NRG1: variants seen among roughly 807,000 people sequenced by gnomAD.
NRG1 encodes the protein pro-neuregulin-1, membrane-bound isoform.
Under a neutral mutation model 63.8 loss-of-function variants are expected in NRG1, and 18 were observed. That is an observed-to-expected ratio of 0.28 (90% CI 0.19 to 0.42). The LOEUF (loss-of-function observed/expected upper bound fraction) is 0.42, where lower values mean the gene tolerates loss of function less well. Among genes scored for constraint, NRG1 ranks in the 10% least tolerant of loss-of-function variants. The probability of loss-of-function intolerance (pLI) is 1.00; values close to 1 mark genes in which losing one functional copy is unlikely to be tolerated. For synonymous variants in NRG1, 302 were observed against 301.3 expected (o/e 1.00, Z -0.02); for missense variants, 762 against 814.7 (o/e 0.94, Z 0.79).
Position 31,721,002 on chromosome 8 carries a change from C to G in NRG1, c.37+81571C>G, listed in dbSNP as rs201026321. Among the ~76,000 whole-genome samples, 9 of 152,106 alleles carry G rather than the reference C, an allele frequency of 5.9e-5. No homozygotes were observed. The East Asian group carries it at 1.5e-3, about 26-fold the overall frequency. ...ATAGAGGGAAGCCAGGGGGTTTTCT[C>G]TGCTCCACCAAATAAATCACATATG... On this transcript the variant is annotated intron_variant, in intron 1 of 10. Transcript: ENST00000519301.
chr8:31,854,163 A>G (rs549657589), intron 1 of NRG1, among the ~76,000 whole-genome samples: 8 of 151,764 alleles, frequency 5.3e-5, no homozygotes, highest in African/African-American at 1.9e-4. Context: ...TTTTCTATTG[A>G]TTGGAATAGT....
chr8:32,521,445 A>G (rs1409215880), intron 1 of NRG1, among the ~76,000 whole-genome samples: 1 of 152,162 alleles, frequency 6.6e-6, no homozygotes, highest in Non-Finnish European at 1.5e-5. Flanking sequence ...TCGTGATGCA[A>G]CAGTCATGGA....
chr8:32,632,640 G>A (rs1250773984), intron 5 of NRG1, among the ~76,000 whole-genome samples: 1 of 151,492 alleles, frequency 6.6e-6, no homozygotes, highest in African/African-American at 2.4e-5. Flanking sequence ...GATTGATTTA[G>A]ATGTTGATGA....
At chr8:31,965,376 C>T (rs552637861) in intron 1 of NRG1, among the ~76,000 whole-genome samples, 1 of 152,142 alleles carries the variant, frequency 6.6e-6, no homozygotes, top group Non-Finnish European at 1.5e-5. Flanking sequence ...GTGCACACCA[C>T]CATACCCAGG....
At chr8:32,486,627 A>ATTTTTTTTTTTTTTTTTTTTTTT (rs1554557143) in intron 1 of NRG1, among the ~76,000 whole-genome samples, 2 of 145,518 alleles carry the variant, frequency 1.4e-5, no homozygotes, top group African/African-American at 5.1e-5. Flanking sequence ...GAATTGCTGG[A>ATTTTTTTTTTTTTTTTTTTTTTT]TTTTTTTTTT....
intron 1 of NRG1, among the ~76,000 whole-genome samples, chr8:31,826,454 T>C (rs191342343): frequency 5.9e-5 from 9 of 152,352 alleles, no homozygotes; most frequent in Admixed American, 2.6e-4. Flanking sequence ...CCTGTCGCCA[T>C]GTAAGACATG....
chr8:31,645,321 T>C (rs1804189099), intron 1 of NRG1, among the ~76,000 whole-genome samples: 2 of 152,216 alleles, frequency 1.3e-5, no homozygotes, highest in South Asian at 2.1e-4. Context: ...TTACAGAATA[T>C]ACAAATTCAC....
chr8:31,689,480 T>C (rs1313343122), intron 1 of NRG1, among the ~76,000 whole-genome samples: 1 of 152,240 alleles, frequency 6.6e-6, no homozygotes, highest in East Asian at 1.9e-4. Flanking sequence ...AGGAAGTGGC[T>C]TTTCTAAACA....
At chr8:31,827,958 C>T (rs1824734012) in intron 1 of NRG1, among the ~76,000 whole-genome samples, 1 of 152,160 alleles carries the variant, frequency 6.6e-6, no homozygotes, top group South Asian at 2.1e-4. Flanking sequence ...GAGGGTGTGT[C>T]CCAGAGGGAT....
intron 1 of NRG1, among the ~76,000 whole-genome samples, chr8:31,773,178 A>G (rs1484835661): frequency 2.0e-5 from 3 of 152,210 alleles, no homozygotes; most frequent in Admixed American, 1.3e-4. Flanking sequence ...AAAAGAAAGT[A>G]AATGCTTTCA....
At chr8:32,559,260 A>G (rs536899928) in intron 1 of NRG1, among the ~76,000 whole-genome samples, 1 of 150,752 alleles carries the variant, frequency 6.6e-6, no homozygotes, top group Admixed American at 6.6e-5. Context: ...AAAAAAAAAA[A>G]AAATCACTAC....
At chr8:32,253,282 A>G (rs1162897132) in intron 1 of NRG1, among the ~76,000 whole-genome samples, 2 of 152,072 alleles carry the variant, frequency 1.3e-5, no homozygotes, top group African/African-American at 4.8e-5. Context: ...CCAGTTTTCA[A>G]ATGCTTCCTG....
chr8:32,040,725 T>TGAAATTTAGACGC (rs1461698564), intron 1 of NRG1, among the ~76,000 whole-genome samples: 1 of 117,784 alleles, frequency 8.5e-6, no homozygotes, highest in African/African-American at 3.0e-5. Flanking sequence ...TATATATATA[T>TGAAATTTAGACGC]ATATATATAT....
chr8:31,928,862 T>G (rs1834635714), intron 1 of NRG1, among the ~76,000 whole-genome samples: 1 of 152,072 alleles, frequency 6.6e-6, no homozygotes, highest in South Asian at 2.1e-4. Flanking sequence ...CATTGGAGAC[T>G]AAGAAGCGGG....
chr8:32,481,124 C>G (rs958675097), intron 1 of NRG1, among the ~76,000 whole-genome samples: 5 of 152,038 alleles, frequency 3.3e-5, no homozygotes, highest in African/African-American at 1.2e-4. Context: ...CAGGCAGATT[C>G]CTTGAGCCCA....
At chr8:32,429,910 C>G (rs924820593) in intron 1 of NRG1, among the ~76,000 whole-genome samples, 2 of 152,096 alleles carry the variant, frequency 1.3e-5, no homozygotes, top group Non-Finnish European at 2.9e-5. Flanking sequence ...AAACACATAT[C>G]CATATGGTGT....
rs539629119 is a variant in NRG1, at chr8:32,541,134, C to G, written c.38-54694C>G. On this transcript the variant is annotated intron_variant, in intron 1 of 10. Coordinates refer to the NRG1 transcript ENST00000519301. ...TGCAAAGAAACTTGAGTTCTAGGCCCGGATCCAGGGGTGGAGATGACTGTA... is the reference window on the plus strand; with the variant it reads ...TGCAAAGAAACTTGAGTTCTAGGCCGGGATCCAGGGGTGGAGATGACTGTA... Among the ~76,000 whole-genome samples the G allele has an allele frequency of 2.0e-4, 30 of 152,124 alleles. No individual in the cohort carries two copies. In the South Asian group the frequency reaches 3.1e-3, roughly 16 times the overall value.
intron 3 of NRG1, among the ~76,000 whole-genome samples, chr8:32,609,468 C>T (rs1162264818): frequency 6.6e-6 from 1 of 151,818 alleles, no homozygotes; most frequent in Non-Finnish European, 1.5e-5. Flanking sequence ...ATTGCCGCAC[C>T]ACTGAACCAT....
rs142811284 is a variant in NRG1, at chr8:32,502,517, C to T, written c.38-93311C>T. On this transcript the variant is annotated intron_variant, in intron 1 of 10. Transcript: ENST00000519301. Reference sequence around the variant, plus strand: ...TTCAGTCCTAGCCAGCGTGGCCACACAATGTAAGATTCTCTCTCTCTTCTG... The same window carrying T: ...TTCAGTCCTAGCCAGCGTGGCCACATAATGTAAGATTCTCTCTCTCTTCTG... Among the ~76,000 whole-genome samples, 31 of 120,312 alleles carry T rather than the reference C, an allele frequency of 2.6e-4. No homozygotes were observed. The East Asian group carries it at 6.6e-3, about 26-fold the overall frequency. 78.9% of individuals were successfully genotyped at this position (120,312 alleles called of 152,430 possible).
Sources: gnomAD v4.1 joint callset for allele counts (sites outside exome capture counted in the v4.1 genomes callset) on GRCh38, gnomAD v4.1.1 for gene constraint, MANE v1.5 for transcripts, NCBI Gene and HGNC (gene_info 2026-07-23, HGNC 2026-07-21) for gene names.